The following LDLRAD3 variants were observed in gnomAD, a reference collection of about 807,000 sequenced individuals.
LDLRAD3 encodes the protein low density lipoprotein receptor class A domain containing 3, also known as low-density lipoprotein receptor class A domain-containing protein 3.
Under a neutral mutation model 29.4 loss-of-function variants are expected in LDLRAD3, and 20 were observed. The ratio of observed to expected loss-of-function variants is 0.68; its 90% confidence interval spans 0.48 to 0.99. The LOEUF is 0.99. Ranked by LOEUF, LDLRAD3 falls within the 50% of genes least tolerant of loss-of-function variation. The pLI is 0.00. For synonymous variants in LDLRAD3, 157 were observed against 192.7 expected (o/e 0.81, Z 1.53); for missense variants, 420 against 454.3 (o/e 0.92, Z 0.69).
chr11:35,977,060 G>T (rs1456026872), intron 1 of LDLRAD3, among the ~76,000 whole-genome samples: 1 of 152,186 alleles, frequency 6.6e-6, no homozygotes, highest in Admixed American at 6.5e-5. Flanking sequence ...CATTGCTCAG[G>T]CATGTGTTAT....
intron 1 of LDLRAD3, among the ~76,000 whole-genome samples, chr11:36,002,756 C>T (rs1452865893): frequency 6.6e-6 from 1 of 152,158 alleles, no homozygotes; most frequent in Non-Finnish European, 1.5e-5. Context: ...GCTTGCTTCA[C>T]TGGAGAAGGG....
chr11:36,051,735 C>T (rs547626777), intron 2 of LDLRAD3, among the ~76,000 whole-genome samples: 1 of 151,580 alleles, frequency 6.6e-6, no homozygotes, highest in African/African-American at 2.4e-5. Context: ...CTTGGTGGCT[C>T]AGCATGGTGC....
intron 1 of LDLRAD3, among the ~76,000 whole-genome samples, chr11:35,958,776 C>T (rs746326707): frequency 6.6e-5 from 10 of 152,304 alleles, no homozygotes; most frequent in East Asian, 1.9e-4. Flanking sequence ...CACTCTTCCT[C>T]TCCCTCATTG....
At chr11:36,066,745 C>T (rs753914303) in intron 2 of LDLRAD3, among the ~76,000 whole-genome samples, 16 of 152,042 alleles carry the variant, frequency 1.1e-4, no homozygotes, top group Non-Finnish European at 1.9e-4. Flanking sequence ...TCTAAAAGTA[C>T]GAAGAATATT....
At chr11:36,053,033 T>C (rs1252025480) in intron 2 of LDLRAD3, among the ~76,000 whole-genome samples, 1 of 152,094 alleles carries the variant, frequency 6.6e-6, no homozygotes, top group Non-Finnish European at 1.5e-5. Flanking sequence ...CTAACTGTAC[T>C]TCTTGGAGTG....
intron 4 of LDLRAD3, among the ~76,000 whole-genome samples, chr11:36,226,588 C>CGG (rs368691384): frequency 7.7e-4 from 117 of 152,154 alleles, no homozygotes; most frequent in African/African-American, 2.7e-3. Context: ...AGTGATTTTG[C>CGG]GGGGGGGAAA....
chr11:36,095,547 C>G (rs914113075), intron 3 of LDLRAD3, among the ~76,000 whole-genome samples: 1 of 152,048 alleles, frequency 6.6e-6, no homozygotes, highest in East Asian at 1.9e-4. Flanking sequence ...ATTCTTGCTA[C>G]TAGTCTTTTG....
intron 4 of LDLRAD3, among the ~76,000 whole-genome samples, chr11:36,171,623 G>A (rs1854599810): frequency 6.6e-6 from 1 of 152,164 alleles, no homozygotes; most frequent in Admixed American, 6.5e-5. Flanking sequence ...TCAAAGGTCA[G>A]TTGACTGCAA....
intron 1 of LDLRAD3, among the ~76,000 whole-genome samples, chr11:36,006,764 G>A (rs148368515): frequency 6.6e-6 from 1 of 152,352 alleles, no homozygotes; most frequent in East Asian, 1.9e-4. Context: ...TCAGTGCCTG[G>A]TGCATAAATA....
At chr11:36,212,602 A>G (rs1465398273) in intron 4 of LDLRAD3, among the ~76,000 whole-genome samples, 1 of 151,280 alleles carries the variant, frequency 6.6e-6, no homozygotes, top group Non-Finnish European at 1.5e-5. Flanking sequence ...TAAATGCCTT[A>G]CCCTCCAACC....
chr11:36,185,882 T>C (rs1254147680), intron 4 of LDLRAD3, among the ~76,000 whole-genome samples: 1 of 152,214 alleles, frequency 6.6e-6, no homozygotes, highest in South Asian at 2.1e-4. Flanking sequence ...TAGACAGAGC[T>C]AAGAGACGCC....
chr11:36,150,080 AG>A (rs1228085148), intron 4 of LDLRAD3, among the ~76,000 whole-genome samples: 2 of 152,218 alleles, frequency 1.3e-5, no homozygotes, highest in Admixed American at 6.5e-5. Context: ...ACCAGGCTGC[AG>A]GGGGTATCGT....
chr11:36,170,282 A>G (rs1469216776), intron 4 of LDLRAD3, among the ~76,000 whole-genome samples: 1 of 145,254 alleles, frequency 6.9e-6, no homozygotes, highest in Admixed American at 7.1e-5. Context: ...ACATATATGT[A>G]CATATATACA....
At chr11:36,181,190 A>G (rs576811116) in intron 4 of LDLRAD3, among the ~76,000 whole-genome samples, 73 of 152,014 alleles carry the variant, frequency 4.8e-4, no homozygotes, top group African/African-American at 1.6e-3. Flanking sequence ...CTTTAAAATA[A>G]CTAGTTAGCT....
intron 1 of LDLRAD3, among the ~76,000 whole-genome samples, chr11:35,995,077 A>G (rs759876450): frequency 2.6e-5 from 4 of 152,220 alleles, no homozygotes; most frequent in Non-Finnish European, 4.4e-5. Context: ...CACGAATCAC[A>G]GATGTTCTTA....
intron 1 of LDLRAD3, among the ~76,000 whole-genome samples, chr11:35,981,566 T>G (rs895028104): frequency 6.6e-6 from 1 of 152,206 alleles, no homozygotes; most frequent in African/African-American, 2.4e-5. Context: ...GATCCTCAGA[T>G]TTTTTTAGGA....
chr11:36,202,868 C>G (rs1344070754), intron 4 of LDLRAD3, among the ~76,000 whole-genome samples: 1 of 152,142 alleles, frequency 6.6e-6, no homozygotes, highest in African/African-American at 2.4e-5. Context: ...CTGGCAGCAG[C>G]AGCTGCAAAT....
chr11:36,090,548 G>T (rs1277713294), intron 3 of LDLRAD3, among the ~76,000 whole-genome samples: 1 of 152,260 alleles, frequency 6.6e-6, no homozygotes, highest in Middle Eastern at 3.4e-3. Context: ...GGCAGGGTTG[G>T]GTGTTGGACA....
intron 1 of LDLRAD3, chr11:35,967,951 G>A (rs1165553264): frequency 7.6e-6 from 3 of 394,582 alleles, no homozygotes; most frequent in Non-Finnish European, 1.5e-5. Context: ...ATTCTCAGGT[G>A]AAATCCTGAA....
Sources: gnomAD v4.1 joint callset for allele counts (sites outside exome capture counted in the v4.1 genomes callset) on GRCh38, gnomAD v4.1.1 for gene constraint, MANE v1.5 for transcripts, NCBI Gene and HGNC (gene_info 2026-07-23, HGNC 2026-07-21) for gene names.